Variants in AOPEP observed in about 807,000 individuals in gnomAD.
AOPEP encodes the protein aminopeptidase O.
AOPEP carries 77 observed loss-of-function variants against 98.1 expected under a neutral mutation model. The observed-to-expected ratio is 0.78, with a 90% CI of 0.65 to 0.95. The LOEUF (loss-of-function observed/expected upper bound fraction) is 0.95. Ranked by LOEUF, AOPEP falls within the 40% of genes least tolerant of loss-of-function variation. The probability of loss-of-function intolerance (pLI) is 0.00; values close to 1 mark genes in which losing one functional copy is unlikely to be tolerated. For missense variants in AOPEP, 1,024 were observed against 1,024.7 expected (o/e 1.00, Z 0.01); for synonymous variants, 346 against 365.3 (o/e 0.95, Z 0.60).
rs1248738390 is a variant in AOPEP, at chr9:94,773,139, A to G, written c.935A>G (p.Asn312Ser). The change falls in exon 3 of 17, where the codon AAT becomes AGT. Residue 312 changes from asparagine to serine, a missense_variant. This residue lies in a region of AOPEP where 440 missense variants were observed against 433.8 expected (regional missense o/e 1.01). Coordinates refer to ENST00000375315, the MANE Select transcript of AOPEP (RefSeq NM_001193329.3). ...TTTGTTGTTTTAATGAGTGGGGAAA[A>G]TTCTGCCAAACCAACGCAGCTTTGG... is the stretch of plus-strand genomic sequence containing the variant. ...ASFVVLMSGENSAKPTQLWEE... is the reference protein window; with the variant it reads ...ASFVVLMSGESSAKPTQLWEE... 2 of 1,614,068 alleles carry G rather than the reference A, an allele frequency of 1.2e-6. No individual in the cohort carries two copies. The highest frequency in any genetic ancestry group is 2.2e-5 in the East Asian group (1 of 44,872).
chr9:94,916,336 A>G (rs962484772), intron 5 of AOPEP, among the ~76,000 whole-genome samples: 2 of 152,166 alleles, frequency 1.3e-5, no homozygotes, highest in African/African-American at 2.4e-5. Context: ...ACTCACATTA[A>G]TTACTTACTT....
chr9:94,931,054 T>G (rs911335898), intron 7 of AOPEP, among the ~76,000 whole-genome samples: 5 of 152,164 alleles, frequency 3.3e-5, no homozygotes, highest in African/African-American at 4.8e-5. Context: ...ATAACCATAG[T>G]CCTTCAGTGG....
chr9:94,945,003 T>C (rs1271283047), intron 7 of AOPEP, among the ~76,000 whole-genome samples: 5 of 152,152 alleles, frequency 3.3e-5, no homozygotes, highest in African/African-American at 9.7e-5. Context: ...TCAACAATCA[T>C]CTGGAGGAGA....
chr9:95,003,889 GGAA>G (rs2061728826), intron 11 of AOPEP: 1 of 157,712 alleles, frequency 6.3e-6, no homozygotes, highest in African/African-American at 2.4e-5. Flanking sequence ...GTTTGTTTTA[GGAA>G]ATAGACATAC....
At chr9:94,759,596 G>A (rs1187847198) in intron 1 of AOPEP, 53 bp from the exon 2 acceptor site, 2 of 565,068 alleles carry the variant, frequency 3.5e-6, no homozygotes, top group Non-Finnish European at 6.2e-6. Context: ...AGTTGCAGGA[G>A]CACTTAGGTC....
At chr9:95,107,279 A>G in the AOPEP span, 1 of 1,612,820 alleles carries the variant, frequency 6.2e-7, no homozygotes, top group Non-Finnish European at 8.5e-7. Context: ...CCTGGGCAAT[A>G]GTATTTCACA....
At chr9:94,824,344 A>T (rs758163780) in intron 5 of AOPEP, 6 of 152,068 alleles carry the variant, frequency 3.9e-5, no homozygotes, top group Non-Finnish European at 8.8e-5. Flanking sequence ...ACTGAGGATG[A>T]CTCCTGAGGA....
At chr9:95,063,007 C>T (rs1042885523) in intron 14 of AOPEP, among the ~76,000 whole-genome samples, 9 of 152,300 alleles carry the variant, frequency 5.9e-5, no homozygotes, top group African/African-American at 2.2e-4. Flanking sequence ...GCACAGGCTG[C>T]GCTCCTTGAT....
At chr9:94,997,187 A>G (rs1370176818) in intron 11 of AOPEP, among the ~76,000 whole-genome samples, 1 of 152,234 alleles carries the variant, frequency 6.6e-6, no homozygotes, top group Non-Finnish European at 1.5e-5. Context: ...CCTTCTGGGT[A>G]GAATGTTGAA....
rs568558788 is a variant in AOPEP at position 95,048,129 on chromosome 9, T to G, written c.2116-12565T>G. Among the ~76,000 whole-genome samples the G allele has an allele frequency of 7.6e-5, 11 of 144,872 alleles. No homozygotes were observed. The South Asian group carries it at 2.2e-3, about 29-fold the overall frequency. On this transcript the variant is annotated intron_variant, in intron 13 of 16. Coordinates refer to ENST00000375315, the MANE Select transcript of AOPEP (RefSeq NM_001193329.3). ...ATTTATTTATGTATTTATTGGTAAG[T>G]TTTTTTTTTTTTCAGTTGCAGCCGG...
intron 1 of AOPEP, among the ~76,000 whole-genome samples, chr9:94,728,239 G>GCACGCA: frequency 6.8e-6 from 1 of 146,606 alleles, no homozygotes; most frequent in East Asian, 2.0e-4. Flanking sequence ...GTGCGCGCAT[G>GCACGCA]CACACACACA....
In AOPEP at chr9:94,928,941, A is replaced by G. The variant is rs962323431; in HGVS notation, c.1661+410A>G. ...TTTAGTGGTCACAGATGTATGTGTC[A>G]ATGGGCCCTTTTGTTTCCATCGTAG... On this transcript the variant is annotated intron_variant, in intron 7 of 16. Transcript: ENST00000375315. The G allele has an allele frequency of 3.6e-5, 6 of 164,640 alleles. No homozygotes were observed. In the South Asian group the frequency reaches 9.9e-4, roughly 27 times the overall value. The allele number at this position is 164,640 out of a possible 1,614,324, so 10.2% of individuals were successfully genotyped here. A position where few individuals can be genotyped will look rare whatever the true frequency, so the allele number is the denominator to read the frequency against.
At chr9:95,075,208 G>A (rs1299412507) in intron 14 of AOPEP, among the ~76,000 whole-genome samples, 3 of 152,120 alleles carry the variant, frequency 2.0e-5, no homozygotes, top group African/African-American at 7.2e-5. Context: ...GATTTGGAGT[G>A]ACTTGATGAA....
At chr9:94,894,484 A>G (rs188801126) in intron 5 of AOPEP, among the ~76,000 whole-genome samples, 1 of 152,312 alleles carries the variant, frequency 6.6e-6, no homozygotes, top group East Asian at 1.9e-4. Context: ...TTTTCTAAGA[A>G]CATATGAGTC....
chr9:94,788,032 A>G (rs1330818240), intron 3 of AOPEP, among the ~76,000 whole-genome samples: 1 of 152,080 alleles, frequency 6.6e-6, no homozygotes, highest in African/African-American at 2.4e-5. Context: ...TCTCAATGTA[A>G]TTAATATCAT....
At chr9:95,114,548 G>A in the AOPEP span, 1 of 1,250,902 alleles carries the variant, frequency 8.0e-7, no homozygotes, top group South Asian at 1.2e-5. Flanking sequence ...GCCTTCCTCT[G>A]TCAGCCCTGC....
chr9:95,090,456 C>T (rs554887775), downstream of AOPEP, among the ~76,000 whole-genome samples: 22 of 152,292 alleles, frequency 1.4e-4, no homozygotes, highest in African/African-American at 5.3e-4. Flanking sequence ...ACACAGGCTG[C>T]GCCAACCTGT....
intron 11 of AOPEP, among the ~76,000 whole-genome samples, chr9:94,994,820 G>A (rs62579889): frequency 6.6e-6 from 1 of 152,188 alleles, no homozygotes; most frequent in East Asian, 1.9e-4. Flanking sequence ...GTGTGGTGGT[G>A]TACACCTGTA....
intron 1 of AOPEP, among the ~76,000 whole-genome samples, chr9:94,732,238 TTCAG>T (rs1424892107): frequency 9.1e-6 from 1 of 110,420 alleles, no homozygotes; most frequent in Non-Finnish European, 1.8e-5. Context: ...AATCCATGCT[TTCAG>T]TCAACTTTTT....
Sources: gnomAD v4.1 joint callset for allele counts (sites outside exome capture counted in the v4.1 genomes callset) on GRCh38, gnomAD v4.1.1 for gene constraint, gnomAD v4.1.1 regional missense constraint, MANE v1.5 for transcripts, NCBI Gene and HGNC (gene_info 2026-07-23, HGNC 2026-07-21) for gene names.